Variants in ZBTB1 observed in about 807,000 individuals in gnomAD.
ZBTB1 encodes zinc finger and BTB domain containing 1, also known as zinc finger and BTB domain-containing protein 1.
Under a neutral mutation model 51.6 loss-of-function variants are expected in ZBTB1, and 13 were observed. The observed-to-expected ratio is 0.25, with a 90% confidence interval of 0.16 to 0.40. The LOEUF is 0.40. Ranked by LOEUF, ZBTB1 falls within the 10% of genes least tolerant of loss-of-function variation. ZBTB1 has a pLI of 1.00. For synonymous variants in ZBTB1, 240 were observed against 282.2 expected, an observed-to-expected ratio of 0.85 and a Z score of 1.50; for missense variants, 567 against 856.5, an observed-to-expected ratio of 0.66 and a Z score of 4.22.
chr14:64,515,300 T>TA (rs1333741530), intron 1 of ZBTB1, among the ~76,000 whole-genome samples: 1 of 152,154 alleles, frequency 6.6e-6, no homozygotes, highest in Non-Finnish European at 1.5e-5. Flanking sequence ...ATGCAGCTAG[T>TA]AGTACAAACA....
At chr14:64,526,355 C>A (rs1566637770), downstream of ZBTB1, among the ~76,000 whole-genome samples, 2 of 152,300 alleles carry the variant, frequency 1.3e-5, no homozygotes, top group East Asian at 3.9e-4. Flanking sequence ...AGCTGTCATT[C>A]CTTGCTGTTG....
intron 1 of ZBTB1, among the ~76,000 whole-genome samples, chr14:64,507,314 CTCATAT>C (rs2079676114): frequency 6.6e-6 from 1 of 152,072 alleles, no homozygotes; most frequent in African/African-American, 2.4e-5. Flanking sequence ...ATTATTTTTT[CTCATAT>C]TCTTATGTGA....
chr14:64,525,810 TTTTTA>T (rs1282642236), downstream of ZBTB1, among the ~76,000 whole-genome samples: 2 of 152,070 alleles, frequency 1.3e-5, no homozygotes, highest in Non-Finnish European at 2.9e-5. Flanking sequence ...CTCAACTTAT[TTTTTA>T]TTTTATTTAT....
chr14:64,506,086 G>A (rs2079650170), intron 1 of ZBTB1, among the ~76,000 whole-genome samples: 1 of 152,210 alleles, frequency 6.6e-6, no homozygotes, highest in South Asian at 2.1e-4. Context: ...GGGGAAAATT[G>A]AGTACAAAAA....
At chr14:64,504,462 G>A (rs779388260), upstream of ZBTB1, 73 of 154,770 alleles carry the variant, frequency 4.7e-4, no homozygotes, top group Middle Eastern at 3.3e-3. Context: ...GTGCAAACAG[G>A]AGGAGGAGGA....
Position 64,524,584 on chromosome 14 carries a change from G to C in ZBTB1, c.*938G>C. Reference sequence around the variant, plus strand: ...TTACAATACATACTTCTGGAACTTTGAGATTTGAGAAAGCTTCCATGTATA... The same window carrying C: ...TTACAATACATACTTCTGGAACTTTCAGATTTGAGAAAGCTTCCATGTATA... On this transcript the variant is annotated 3_prime_UTR_variant, in exon 2 of 2. Transcript: ENST00000683701. The C allele has an allele frequency of 1.0e-6, 1 of 983,096 alleles. No individual in the cohort carries two copies. The highest frequency in any genetic ancestry group is 1.2e-6 in the Non-Finnish European group (1 of 827,928). 60.9% of individuals were successfully genotyped at this position (983,096 alleles called of 1,614,324 possible). A position where few individuals can be genotyped will look rare whatever the true frequency, so the allele number is the denominator to read the frequency against.
At chr14:64,525,129 G>T (rs1395958452), downstream of ZBTB1, among the ~76,000 whole-genome samples, 1 of 151,988 alleles carries the variant, frequency 6.6e-6, no homozygotes, top group Non-Finnish European at 1.5e-5. Flanking sequence ...TTACATAAAA[G>T]AACAAGTTGC....
At position 64,522,253 on chromosome 14, in the gene ZBTB1, A is replaced by G. The variant is rs2079867434; in HGVS notation, c.749A>G (p.Tyr250Cys). 2 of 1,614,206 alleles carry G rather than the reference A, an allele frequency of 1.2e-6. No homozygotes were observed. The highest frequency in any genetic ancestry group is 1.7e-6 in the Non-Finnish European group (2 of 1,180,034). Residue 250 changes from tyrosine (Y) to cysteine (C), a missense_variant, in exon 2 of 2, where the codon TAC (tyrosine) becomes TGC (cysteine). Physicochemically the swap from Tyr to Cys is radical, Grantham distance 194. Transcript: ENST00000683701. Reference protein sequence around the residue: ...NRHLYQNTRSYHRIVDIRDGK... With the variant: ...NRHLYQNTRSCHRIVDIRDGK... ...CATTTATACCAAAACACAAGATCTT[A>G]CCATAGAATAGTAGATATTAGAGAT... is the stretch of plus-strand genomic sequence containing the variant.
intron 1 of ZBTB1, among the ~76,000 whole-genome samples, chr14:64,517,246 T>A (rs2079796356): frequency 6.6e-6 from 1 of 152,212 alleles, no homozygotes; most frequent in South Asian, 2.1e-4. Context: ...GTATTATCCC[T>A]ACCTTTTCAG....
exon 3 of ZBTB1, chr14:64,531,934 A>G (rs375445490): frequency 1.1e-4 from 172 of 1,611,080 alleles, no homozygotes; most frequent in Non-Finnish European, 1.3e-4. Flanking sequence ...GGAAGAATCA[A>G]TCTTCAACAG....
rs1025910036 is a variant in ZBTB1, at chr14:64,524,946, A to G, written c.*1300A>G. 8.1e-6 allele frequency: 8 copies of G among 983,842 alleles called. No individual in the cohort carries two copies. The African/African-American group carries it at 1.4e-4, about 17-fold the overall frequency. 60.9% of individuals were successfully genotyped at this position (983,842 alleles called of 1,614,324 possible). On this transcript the variant is annotated 3_prime_UTR_variant, in exon 2 of 2. Coordinates refer to ENST00000683701, the MANE Select transcript of ZBTB1 (RefSeq NM_001123329.2). ...ACCCACCAATAAACACATCTATTGA[A>G]TAGAATGCCTTTTAATGTGAATTAC... is the stretch of plus-strand genomic sequence containing the variant.
intron 1 of ZBTB1, among the ~76,000 whole-genome samples, chr14:64,514,587 C>G (rs1219914866): frequency 6.6e-6 from 1 of 152,166 alleles, no homozygotes; most frequent in Non-Finnish European, 1.5e-5. Flanking sequence ...TGAAATCTTA[C>G]TATGTCAGTG....
At chr14:64,519,457 A>AT (rs2079835711) in intron 1 of ZBTB1, among the ~76,000 whole-genome samples, 1 of 137,078 alleles carries the variant, frequency 7.3e-6, no homozygotes, top group Middle Eastern at 3.8e-3. Context: ...TCTTTTAACA[A>AT]TTAAAAAAAA....
At chr14:64,533,310 C>A (rs2140196545) in exon 3 of ZBTB1, 1 of 152,190 alleles carries the variant, frequency 6.6e-6, no homozygotes, top group East Asian at 1.9e-4. Flanking sequence ...TCTAAAAAAC[C>A]CTAGAGTTAA....
At chr14:64,520,975 C>G (rs1427558925) in intron 1 of ZBTB1, among the ~76,000 whole-genome samples, 1 of 152,004 alleles carries the variant, frequency 6.6e-6, no homozygotes, top group African/African-American at 2.4e-5. Flanking sequence ...GATCCACCCA[C>G]TTTAGCCTCC....
chr14:64,525,942 C>T (rs1160688144), downstream of ZBTB1, among the ~76,000 whole-genome samples: 2 of 152,162 alleles, frequency 1.3e-5, no homozygotes, highest in South Asian at 2.1e-4. Context: ...GCCTCAGCCT[C>T]CTCAGTAGCT....
chr14:64,529,826 CCTTCCCCA>C (rs931159612), downstream of ZBTB1, among the ~76,000 whole-genome samples: 1 of 151,992 alleles, frequency 6.6e-6, no homozygotes, highest in Non-Finnish European at 1.5e-5. Context: ...AGAAGAACCC[CCTTCCCCA>C]GTTACCATAG....
rs2079738934 is a variant in ZBTB1 at position 64,512,799 on chromosome 14, T to G, written c.-19+7853T>G. On this transcript the variant is annotated intron_variant, in intron 1 of 1. Coordinates refer to ENST00000683701, the MANE Select transcript of ZBTB1 (RefSeq NM_001123329.2). Reference sequence around the variant, plus strand: ...CTACAACTGGTTATTCCTGGAAGTTTCAAGGAGAAACCTAGAGAATGTAAT... The same window carrying G: ...CTACAACTGGTTATTCCTGGAAGTTGCAAGGAGAAACCTAGAGAATGTAAT... Among the ~76,000 whole-genome samples the G allele has an allele frequency of 2.0e-5, 3 of 152,152 alleles. 1 individual carries two copies. In the South Asian group the frequency reaches 6.2e-4, roughly 32 times the overall value.
chr14:64,505,584 G>A (rs533361963), intron 1 of ZBTB1, among the ~76,000 whole-genome samples: 45 of 152,352 alleles, frequency 3.0e-4, no homozygotes, highest in African/African-American at 1.0e-3. Flanking sequence ...TTCGGTAAAT[G>A]TGTTGGATGC....
Sources: allele counts gnomAD v4.1 joint callset (sites outside exome capture counted in the v4.1 genomes callset), GRCh38; gene constraint gnomAD v4.1.1; transcripts MANE v1.5; gene names NCBI Gene and HGNC (gene_info 2026-07-23, HGNC 2026-07-21).